The following CADM2 variants were observed in gnomAD, a reference collection of about 807,000 sequenced individuals.
CADM2 encodes cell adhesion molecule 2.
CADM2 carries 12 observed loss-of-function variants against 49.8 expected under a neutral mutation model. The ratio of observed to expected loss-of-function variants is 0.24; its 90% confidence interval spans 0.15 to 0.39. The LOEUF is 0.39. Ranked by LOEUF, CADM2 falls within the 10% of genes least tolerant of loss-of-function variation. The probability of loss-of-function intolerance (pLI) is 1.00; values close to 1 mark genes in which losing one functional copy is unlikely to be tolerated. For missense variants in CADM2, 378 were observed against 492.3 expected (o/e 0.77, Z 2.20); for synonymous variants, 214 against 175.4 (o/e 1.22, Z -1.74).
rs148452058 is a variant in CADM2, at chr3:85,537,465, G to C, written c.62-189057G>C. ...CTTATATGGTTATCAAGGCTGATTGGTCAAGTACAAGTACGCATGCATGGT... is the reference window on the plus strand; with the variant it reads ...CTTATATGGTTATCAAGGCTGATTGCTCAAGTACAAGTACGCATGCATGGT... On this transcript the variant is annotated intron_variant, in intron 1 of 9. Coordinates refer to ENST00000383699, the MANE Select transcript of CADM2 (RefSeq NM_001167675.2). 1.8e-3 allele frequency among the ~76,000 whole-genome samples: 263 copies of C among 147,446 alleles called. 5 individuals carry two copies. The Middle Eastern group carries it at 0.021, about 12-fold the overall frequency.
At chr3:85,748,556 G>A (rs1468141710) in intron 2 of CADM2, among the ~76,000 whole-genome samples, 1 of 152,018 alleles carries the variant, frequency 6.6e-6, no homozygotes, top group African/African-American at 2.4e-5. Context: ...ATAGGATGGA[G>A]AAGACTGGAA....
chr3:85,536,094 A>C (rs747276975), intron 1 of CADM2, among the ~76,000 whole-genome samples: 16 of 152,238 alleles, frequency 1.1e-4, no homozygotes, highest in Non-Finnish European at 2.1e-4. Flanking sequence ...GGGTATTTAG[A>C]AAGAAAGAAA....
chr3:84,981,428 T>C (rs1379922239), intron 1 of CADM2, among the ~76,000 whole-genome samples: 1 of 152,072 alleles, frequency 6.6e-6, no homozygotes, highest in African/African-American at 2.4e-5. Flanking sequence ...GGGAGGAATC[T>C]GAATTGTACG....
At position 86,065,633 on chromosome 3, in the gene CADM2, C is replaced by G. The variant is rs755627080; in HGVS notation, c.999C>G (p.Gly333=). The part of the protein sequence containing the change: ...HDPNALAGQN[G]PDHALIGGIV... ...CTAATGCTTTGGCTGGCCAGAATGG[C>G]CCTGACCATGCTCTCATAGGAGGAA... Residue 333 remains glycine, a synonymous_variant, in exon 9 of 10, where the codon GGC becomes GGG. Coordinates refer to ENST00000383699, the MANE Select transcript of CADM2 (RefSeq NM_001167675.2). 6.2e-6 allele frequency: 10 copies of G among 1,613,638 alleles called. No individual in the cohort carries two copies. The South Asian group carries it at 1.1e-4, about 18-fold the overall frequency.
intron 1 of CADM2, among the ~76,000 whole-genome samples, chr3:85,224,690 G>A (rs2042116173): frequency 6.6e-6 from 1 of 152,098 alleles, no homozygotes; most frequent in East Asian, 1.9e-4. Flanking sequence ...CCTATGCCCT[G>A]AATAGTATTG....
chr3:85,217,332 G>A (rs1194920117), intron 1 of CADM2, among the ~76,000 whole-genome samples: 2 of 151,738 alleles, frequency 1.3e-5, no homozygotes, highest in Non-Finnish European at 2.9e-5. Flanking sequence ...TTGAAATTAA[G>A]TTAGAAAAAT....
rs80307330 is a variant in CADM2 at position 85,474,325 on chromosome 3, G to A, written c.62-252197G>A. On this transcript the variant is annotated intron_variant, in intron 1 of 9. Transcript: ENST00000383699. ...GTCCGAAGAGAGTCTCTTGGCGGAA[G>A]TCCTTCTTACTGACAGGAGGCCAGT... Among the ~76,000 whole-genome samples the A allele has an allele frequency of 9.4e-3, 1,425 of 151,996 alleles. 22 individuals carry two copies. The highest frequency in any genetic ancestry group is 0.031 in the African/African-American group (1,268 of 41,488).
chr3:85,855,591 T>C (rs2075276885), intron 3 of CADM2, among the ~76,000 whole-genome samples: 1 of 111,236 alleles, frequency 9.0e-6, no homozygotes, highest in Admixed American at 9.0e-5. Context: ...AAAACATATA[T>C]ATATATAAAA....
chr3:85,912,166 C>T (rs886793661), intron 5 of CADM2, among the ~76,000 whole-genome samples: 6 of 151,898 alleles, frequency 4.0e-5, no homozygotes, highest in Non-Finnish European at 7.4e-5. Flanking sequence ...AGGATGGTCT[C>T]GATCTCCTGA....
intron 1 of CADM2, among the ~76,000 whole-genome samples, chr3:85,455,560 A>G (rs1328476227): frequency 6.6e-6 from 1 of 152,218 alleles, no homozygotes; most frequent in Non-Finnish European, 1.5e-5. Context: ...AAATATGCGA[A>G]GAAAGACTTC....
At chr3:85,721,487 C>T (rs1313743812) in intron 1 of CADM2, among the ~76,000 whole-genome samples, 4 of 152,012 alleles carry the variant, frequency 2.6e-5, no homozygotes, top group Non-Finnish European at 4.4e-5. Context: ...CTGCCAAGGG[C>T]GAGTGAGGTG....
At chr3:85,071,582 C>T (rs933904811) in intron 1 of CADM2, among the ~76,000 whole-genome samples, 2 of 152,148 alleles carry the variant, frequency 1.3e-5, no homozygotes, top group Admixed American at 6.6e-5. Context: ...ATTTTGCATA[C>T]ATTACCTCAT....
At chr3:85,688,385 C>T (rs1334271876) in intron 1 of CADM2, among the ~76,000 whole-genome samples, 1 of 151,990 alleles carries the variant, frequency 6.6e-6, no homozygotes, top group Non-Finnish European at 1.5e-5. Context: ...TAGGGAAATG[C>T]AAATTAAAAC....
rs968220078 is a variant in CADM2 at position 85,403,557 on chromosome 3, T to A, written c.62-322965T>A. ...TAGCCTTTAATGTTATACAGAGACATGCATGGTGAGATCTTGCTCTTAATA... is the reference window on the plus strand; with the variant it reads ...TAGCCTTTAATGTTATACAGAGACAAGCATGGTGAGATCTTGCTCTTAATA... On this transcript the variant is annotated intron_variant, in intron 1 of 9. Transcript: ENST00000383699. 2.0e-5 allele frequency among the ~76,000 whole-genome samples: 3 copies of A among 152,140 alleles called. No individual in the cohort carries two copies. In the South Asian group the frequency reaches 6.2e-4, roughly 32 times the overall value.
chr3:85,903,403 A>G (rs1716380417), intron 5 of CADM2, among the ~76,000 whole-genome samples: 2 of 151,464 alleles, frequency 1.3e-5, no homozygotes, highest in Admixed American at 1.3e-4. Flanking sequence ...CCTCTCTTAG[A>G]TTTTGTTTAC....
At chr3:85,931,486 AATT>A in intron 6 of CADM2, among the ~76,000 whole-genome samples, 1 of 152,128 alleles carries the variant, frequency 6.6e-6, no homozygotes, top group African/African-American at 2.4e-5. Flanking sequence ...CTTATTTAAC[AATT>A]ATTTATTAAG....
chr3:84,970,662 TG>T (rs2031366103), intron 1 of CADM2, among the ~76,000 whole-genome samples: 1 of 152,046 alleles, frequency 6.6e-6, no homozygotes, highest in Non-Finnish European at 1.5e-5. Context: ...AAATGTCAAA[TG>T]AAGATAAACT....
intron 1 of CADM2, among the ~76,000 whole-genome samples, chr3:85,386,099 A>G (rs1481844895): frequency 2.0e-5 from 3 of 152,092 alleles, no homozygotes; most frequent in Admixed American, 6.6e-5. Flanking sequence ...ATACTACTTT[A>G]TTTGCATCCT....
chr3:85,506,858 A>G (rs2040377026), intron 1 of CADM2, among the ~76,000 whole-genome samples: 1 of 152,224 alleles, frequency 6.6e-6, no homozygotes. Flanking sequence ...TAAAATTATC[A>G]TTATAGAATT....
Sources: allele counts gnomAD v4.1 joint callset (sites outside exome capture counted in the v4.1 genomes callset), GRCh38; gene constraint gnomAD v4.1.1; transcripts MANE v1.5; gene names NCBI Gene and HGNC (gene_info 2026-07-23, HGNC 2026-07-21).